EXT2: variants seen among roughly 807,000 people sequenced by gnomAD.
EXT2 encodes exostosin glycosyltransferase 2.
A neutral mutation model predicts 81.6 loss-of-function variants in EXT2; 53 were observed. The ratio of observed to expected loss-of-function variants is 0.65; its 90% CI spans 0.52 to 0.82. EXT2 has a LOEUF of 0.82. EXT2 is among the 40% of genes least tolerant of loss of function. EXT2 has a pLI of 0.00. For synonymous variants in EXT2, 320 were observed against 340.0 expected (o/e 0.94, Z 0.65); for missense variants, 774 against 910.2 (o/e 0.85, Z 1.93).
At chr11:44,169,255 A>G (rs1289012677) in intron 7 of EXT2, among the ~76,000 whole-genome samples, 3 of 151,762 alleles carry the variant, frequency 2.0e-5, no homozygotes, top group Non-Finnish European at 4.4e-5. Flanking sequence ...AAAAATAAAT[A>G]AATATAAAAC....
intron 13 of EXT2, among the ~76,000 whole-genome samples, chr11:44,242,457 T>G (rs1223583988): frequency 6.6e-6 from 1 of 152,094 alleles, no homozygotes; most frequent in African/African-American, 2.4e-5. Context: ...GGACACTCAG[T>G]CACTGGCATG....
rs1954107753 is a variant in EXT2, at chr11:44,109,253, A to G, written c.596A>G (p.Tyr199Cys). ...ATGTTGCCTGGAGGTCCCCCAGATTATAACACAGCCCTGGATGTCCCCAGA... is the reference window on the plus strand; with the variant it reads ...ATGTTGCCTGGAGGTCCCCCAGATTGTAACACAGCCCTGGATGTCCCCAGA... ...FNMLPGGPPDYNTALDVPRDR... is the reference protein window; with the variant it reads ...FNMLPGGPPDCNTALDVPRDR... The change falls in exon 3 of 14, where the codon TAT becomes TGT. Residue 199 changes from tyrosine (Y) to cysteine (C), a missense_variant. By Grantham distance (194) the Tyr-to-Cys change is radical. This residue lies in a region of EXT2 where 626 missense variants were observed against 670.5 expected (regional missense o/e 0.93). Transcript: ENST00000533608. 1.2e-6 allele frequency: 2 copies of G among 1,614,036 alleles called. No homozygotes were observed. Among genetic ancestry groups the G allele is most frequent in the African/African-American group, 1.3e-5 (1 of 74,930 alleles).
intron 10 of EXT2, among the ~76,000 whole-genome samples, chr11:44,229,990 A>C (rs1011364610): frequency 6.6e-6 from 1 of 152,248 alleles, no homozygotes; most frequent in Non-Finnish European, 1.5e-5. Context: ...TACATAATAA[A>C]CAATAAATAA....
At chr11:44,130,183 T>C (rs914300716) in intron 7 of EXT2, 45 bp downstream of exon 7, 4 of 1,493,118 alleles carry the variant, frequency 2.7e-6, no homozygotes, top group Non-Finnish European at 2.8e-6. Context: ...GGTACCGAAA[T>C]GGTGGCCTTG....
Position 44,171,595 on chromosome 11 carries a change from A to T in EXT2, c.1174-16A>T. 2 of 1,614,102 alleles carry T rather than the reference A, an allele frequency of 1.2e-6. No individual in the cohort carries two copies. The highest frequency in any genetic ancestry group is 2.2e-5 in the East Asian group (1 of 44,868). ...GTCTCGCTTGCTCACTTAAAACAGC[A>T]TTATTTTCTTTATAGGCCCGGTGGT... On this transcript the variant is annotated splice_polypyrimidine_tract_variant and intron_variant, in intron 7 of 13. Coordinates refer to ENST00000533608, the MANE Select transcript of EXT2 (RefSeq NM_207122.2).
intron 3 of EXT2, among the ~76,000 whole-genome samples, chr11:44,111,265 A>G (rs960016461): frequency 6.6e-6 from 1 of 152,220 alleles, no homozygotes; most frequent in African/African-American, 2.4e-5. Flanking sequence ...AAAAAAATCC[A>G]TACACATGAT....
At chr11:44,153,424 T>C (rs1349574129) in intron 7 of EXT2, among the ~76,000 whole-genome samples, 2 of 152,186 alleles carry the variant, frequency 1.3e-5, no homozygotes, top group East Asian at 3.8e-4. Flanking sequence ...GTTGATTTTG[T>C]TGGATTCTCT....
intron 8 of EXT2, among the ~76,000 whole-genome samples, chr11:44,195,735 G>A (rs568359893): frequency 6.6e-6 from 1 of 152,302 alleles, no homozygotes; most frequent in Admixed American, 6.5e-5. Flanking sequence ...AAAGACTAGG[G>A]AAGTATGCAG....
At chr11:44,216,455 TAGCCAAC>T (rs1955720672) in intron 10 of EXT2, among the ~76,000 whole-genome samples, 1 of 152,188 alleles carries the variant, frequency 6.6e-6, no homozygotes, top group Non-Finnish European at 1.5e-5. Context: ...TTGCAGGTGA[TAGCCAAC>T]AGCATGTTGA....
chr11:44,184,752 A>AAAT (rs550896667), intron 8 of EXT2, among the ~76,000 whole-genome samples: 35 of 151,954 alleles, frequency 2.3e-4, no homozygotes, highest in South Asian at 1.2e-3. Flanking sequence ...CTCCGTCTCA[A>AAAT]AATAATAATA....
intron 7 of EXT2, among the ~76,000 whole-genome samples, chr11:44,145,960 T>A (rs1035548183): frequency 4.6e-5 from 7 of 152,230 alleles, no homozygotes; most frequent in African/African-American, 1.7e-4. Context: ...TTGCTAGAGC[T>A]GCCATAACAA....
intron 3 of EXT2, among the ~76,000 whole-genome samples, chr11:44,113,700 G>A (rs1431613166): frequency 1.3e-5 from 2 of 152,164 alleles, no homozygotes; most frequent in African/African-American, 4.8e-5. Context: ...GAGAGAGGCT[G>A]GGGTGTAAGC....
intron 13 of EXT2, among the ~76,000 whole-genome samples, chr11:44,242,912 G>A (rs1956052814): frequency 6.6e-6 from 1 of 152,054 alleles, no homozygotes; most frequent in South Asian, 2.1e-4. Context: ...TTATAAAATG[G>A]GAATGATAGT....
intron 13 of EXT2, among the ~76,000 whole-genome samples, chr11:44,240,318 T>C (rs1481820366): frequency 6.6e-6 from 1 of 152,186 alleles, no homozygotes; most frequent in African/African-American, 2.4e-5. Context: ...AACCAGGATA[T>C]ACAGTGCTCA....
intron 7 of EXT2, among the ~76,000 whole-genome samples, chr11:44,153,400 A>T (rs1954817777): frequency 6.6e-6 from 1 of 152,064 alleles, no homozygotes; most frequent in Admixed American, 6.5e-5. Context: ...TATTAGTTCC[A>T]TTTTGTTGTT....
chr11:44,245,090 G>A lies in EXT2; in HGVS notation c.*803G>A, dbSNP rs1035496469. ...ATACCCTCTGCATCAAGCGTAAGAA[G>A]GTCCCAAATCATAACCATTTTAAGA... On this transcript the variant is annotated 3_prime_UTR_variant, in exon 14 of 14. Transcript: ENST00000533608. 1.3e-5 allele frequency: 3 copies of A among 230,870 alleles called. No homozygotes were observed. Among genetic ancestry groups the A allele is most frequent in the African/African-American group, 2.2e-5 (1 of 45,200 alleles). 14.3% of individuals were successfully genotyped at this position (230,870 alleles called of 1,614,324 possible).
intron 8 of EXT2, among the ~76,000 whole-genome samples, chr11:44,186,661 G>C (rs1443443126): frequency 6.6e-6 from 1 of 152,170 alleles, no homozygotes; most frequent in Non-Finnish European, 1.5e-5. Flanking sequence ...GCATTCAAAT[G>C]GGTTTAACCT....
intron 7 of EXT2, among the ~76,000 whole-genome samples, chr11:44,169,041 G>A (rs1955033918): frequency 6.6e-6 from 1 of 151,998 alleles, no homozygotes. Flanking sequence ...CCAACATGGT[G>A]AAACCCCATC....
At chr11:44,141,308 G>GT (rs949165639) in intron 7 of EXT2, among the ~76,000 whole-genome samples, 1 of 152,004 alleles carries the variant, frequency 6.6e-6, no homozygotes, top group African/African-American at 2.4e-5. Flanking sequence ...TACAGGCACA[G>GT]TTTTTTTTCC....
Sources: gnomAD v4.1 joint callset for allele counts (sites outside exome capture counted in the v4.1 genomes callset) on GRCh38, gnomAD v4.1.1 for gene constraint, gnomAD v4.1.1 regional missense constraint, MANE v1.5 for transcripts, NCBI Gene and HGNC (gene_info 2026-07-23, HGNC 2026-07-21) for gene names.